The following PRSS36 variants were observed in gnomAD, a reference collection of about 807,000 sequenced individuals.
The protein encoded by PRSS36 is serine protease 36, also known as polyserase-2.
A neutral mutation model predicts 94.3 loss-of-function variants in PRSS36; 90 were observed. The observed-to-expected ratio is 0.95, with a 90% CI of 0.80 to 1.14. PRSS36 has a LOEUF of 1.14. Ranked by LOEUF, PRSS36 falls within the 50% of genes most tolerant of loss-of-function variation. PRSS36 has a pLI of 0.00. For synonymous variants in PRSS36, 500 were observed against 489.6 expected (o/e 1.02, Z -0.28); for missense variants, 1,158 against 1,135.0 (o/e 1.02, Z -0.29).
intron 11 of PRSS36, 43 bp downstream of exon 11, chr16:31,141,680 T>G: frequency 6.2e-7 from 1 of 1,608,204 alleles, no homozygotes; most frequent in Non-Finnish European, 8.5e-7. Flanking sequence ...CATGGGTCTG[T>G]GCACTCCCAG....
chr16:31,147,402 C>T (rs1313892516), intron 5 of PRSS36, among the ~76,000 whole-genome samples: 3 of 152,154 alleles, frequency 2.0e-5, no homozygotes, highest in Non-Finnish European at 4.4e-5. Flanking sequence ...ACCTCCTGCC[C>T]TGATGGGACC....
chr16:31,142,496 C>A lies in PRSS36; in HGVS notation c.1506G>T (p.Glu502Asp). The change falls in exon 10 of 15, where the codon GAG becomes GAT. Residue 502 changes from glutamate to aspartate, a missense_variant. By Grantham distance (45) the Glu-to-Asp change is conservative (BLOSUM62 2). Transcript: ENST00000268281. ...ALCPAYQEKE[E>D]VGSCWNDSRW... ...CGCCGCTTACCCAGCAGCTGCCCAC[C>A]TCCTCCTTTTCCTGGTAGGCAGGGC... The A allele has an allele frequency of 6.7e-7, 1 of 1,488,108 alleles. No homozygotes were observed. The highest frequency in any genetic ancestry group is 2.6e-5 in the East Asian group (1 of 38,698). 92.2% of individuals were successfully genotyped at this position (1,488,108 alleles called of 1,614,324 possible). A position where few individuals can be genotyped will look rare whatever the true frequency, so the allele number is the denominator to read the frequency against.
At position 31,139,097 on chromosome 16, in the gene PRSS36, G is replaced by A; in HGVS notation, c.*41C>T. 1 of 1,511,152 alleles carries A rather than the reference G, an allele frequency of 6.6e-7. No individual in the cohort carries two copies. The highest frequency in any genetic ancestry group is 8.9e-7 in the Non-Finnish European group (1 of 1,128,286). The allele number at this position is 1,511,152 out of a possible 1,614,324, so 93.6% of individuals were successfully genotyped here. On this transcript the variant is annotated 3_prime_UTR_variant, in exon 15 of 15. Coordinates refer to ENST00000268281, the MANE Select transcript of PRSS36 (RefSeq NM_173502.5). ...TTCCAGCCCCACTGGGCGGGAAGTA[G>A]AGGGTGGAGAAGGGGGAAGTGGTGC... is the stretch of plus-strand genomic sequence containing the variant.
chr16:31,148,326 G>T, intron 5 of PRSS36, 69 bp downstream of exon 5: 1 of 1,434,704 alleles, frequency 7.0e-7, no homozygotes, highest in Non-Finnish European at 9.1e-7. Context: ...CTGAGGCCCC[G>T]CCCTAGGAAC....
At position 31,141,786 on chromosome 16, in the gene PRSS36, C is replaced by T. The variant is rs1191602566; in HGVS notation, c.1696G>A (p.Asp566Asn). 3.7e-6 allele frequency: 6 copies of T among 1,614,112 alleles called. No homozygotes were observed. Among genetic ancestry groups the T allele is most frequent in the African/African-American group, 1.3e-5 (1 of 75,040 alleles). ...GTCTCCTCCCCATCAGGGCCCCAAT[C>T]CCAGGCTAGCTGGTCCTCCAGGTAG... ...GAYLEDQLAW[D>N]WGPDGEETET... Residue 566 changes from aspartate to asparagine, a missense_variant, in exon 11 of 15, where the codon GAT becomes AAT. By Grantham distance (23) the Asp-to-Asn change is conservative. Coordinates refer to ENST00000268281, the MANE Select transcript of PRSS36 (RefSeq NM_173502.5).
At chr16:31,139,482 C>A (rs1419748545) in intron 14 of PRSS36, 66 bp from the exon 15 acceptor site, 41 of 1,556,984 alleles carry the variant, frequency 2.6e-5, no homozygotes, top group Non-Finnish European at 3.6e-5. Context: ...CCCCTTTCCC[C>A]AGGGTCTGGC....
intron 5 of PRSS36, among the ~76,000 whole-genome samples, chr16:31,146,611 C>A (rs544790413): frequency 6.6e-6 from 1 of 151,988 alleles, no homozygotes; most frequent in Admixed American, 6.6e-5. Context: ...CTGCTTTTGA[C>A]GGAAACAGCT....
Position 31,149,183 on chromosome 16 carries a change from C to G in PRSS36, c.162G>C (p.Gln54His). The G allele has an allele frequency of 6.4e-7, 1 of 1,571,288 alleles. No individual in the cohort carries two copies. Among genetic ancestry groups the G allele is most frequent in the African/African-American group, 1.3e-5 (1 of 74,416 alleles). Reference protein sequence around the residue: ...SARIVGGSNAQPGTWPWQVSL... With the variant: ...SARIVGGSNAHPGTWPWQVSL... ...TCACTTGCCAAGGCCAGGTGCCCGG[C>G]TGCGCGTTTGAGCCCCCCACGATGC... is the stretch of plus-strand genomic sequence containing the variant. Residue 54 changes from glutamine to histidine, a missense_variant, in exon 4 of 15, where the codon CAG (glutamine) becomes CAC (histidine). Coordinates refer to ENST00000268281, the MANE Select transcript of PRSS36 (RefSeq NM_173502.5).
chr16:31,140,390 G>T lies in PRSS36; in HGVS notation c.2193C>A (p.Ile731=). ...DRVPVAAAVS[I]LTQRICDCLY... ...GGCAGTCACAGATTCGTTGTGTCAA[G>T]ATGGAGACAGCAGCAGCCACAGGGA... The change falls in exon 14 of 15, where the codon ATC becomes ATA. Residue 731 remains isoleucine, a synonymous_variant. Transcript: ENST00000268281. 6.2e-7 allele frequency: 1 copy of T among 1,614,066 alleles called. No individual in the cohort carries two copies. Among genetic ancestry groups the T allele is most frequent in the Non-Finnish European group, 8.5e-7 (1 of 1,179,992 alleles).
intron 4 of PRSS36, 26 bp from the exon 5 acceptor site, chr16:31,148,701 G>T (rs1182988241): frequency 7.5e-6 from 12 of 1,610,626 alleles, no homozygotes; most frequent in African/African-American, 1.3e-5. Context: ...GCAGTAGGAG[G>T]TTAGGTTGAC....
At position 31,148,693 on chromosome 16, in the gene PRSS36, A is replaced by AG; in HGVS notation, c.273-19dup. 2 of 1,611,360 alleles carry AG rather than the reference A, an allele frequency of 1.2e-6. No individual in the cohort carries two copies. Among genetic ancestry groups the AG allele is most frequent in the Admixed American group, 1.7e-5 (1 of 59,800 alleles). On this transcript the variant is annotated intron_variant, in intron 4 of 14. Coordinates refer to ENST00000268281, the MANE Select transcript of PRSS36 (RefSeq NM_173502.5). ...TCCCATTCCTGCGCTCGACCGGGGC[A>AG]GTAGGAGGTTAGGTTGACCCTATGG...
intron 5 of PRSS36, among the ~76,000 whole-genome samples, chr16:31,148,012 C>A (rs2057823073): frequency 6.6e-6 from 1 of 152,124 alleles, no homozygotes; most frequent in African/African-American, 2.4e-5. Context: ...TCCACTCAAC[C>A]ACCCCTTGAA....
intron 14 of PRSS36, among the ~76,000 whole-genome samples, chr16:31,140,052 G>A (rs142948217): frequency 0.017 from 2,554 of 151,196 alleles, 54 homozygotes; most frequent in African/African-American, 0.051. Context: ...TTAGCCGGGC[G>A]TAGTAGCGGG....
intron 5 of PRSS36, among the ~76,000 whole-genome samples, chr16:31,146,612 G>A (rs1254843893): frequency 1.3e-5 from 2 of 152,024 alleles, no homozygotes; most frequent in Non-Finnish European, 2.9e-5. Flanking sequence ...TGCTTTTGAC[G>A]GAAACAGCTT....
chr16:31,139,647 A>G (rs1192191240), intron 14 of PRSS36, among the ~76,000 whole-genome samples: 1 of 151,986 alleles, frequency 6.6e-6, no homozygotes, highest in Non-Finnish European at 1.5e-5. Context: ...TGGGAAGCCA[A>G]GGTGGGCGGA....
chr16:31,145,318 A>G (rs557345154), intron 6 of PRSS36, among the ~76,000 whole-genome samples: 5 of 139,184 alleles, frequency 3.6e-5, no homozygotes, highest in Admixed American at 3.0e-4. Flanking sequence ...GGTTGCAGTG[A>G]GCTGAGATCA....
In PRSS36 at chr16:31,142,825, G is replaced by A. The variant is rs1549299; in HGVS notation, c.1269C>T (p.Ser423=). The A allele has an allele frequency of 0.66, 1,016,515 of 1,534,406 alleles. 351,749 individuals carry two copies. The highest frequency in any genetic ancestry group is 0.92 in the East Asian group (34,839 of 37,918). ...LLQLRTPVNL[S]AASRPVCLPH... ...GTAGGCACACGGGCCGCGAAGCCGC[G>A]CTCAGGTTCACGGGCGTGCGCAGCT... The change falls in exon 9 of 15, where the codon AGC becomes AGT. Residue 423 remains serine, a synonymous_variant. Coordinates refer to ENST00000268281, the MANE Select transcript of PRSS36 (RefSeq NM_173502.5).
chr16:31,149,968 C>T (rs1237208659), intron 1 of PRSS36, 31 bp downstream of exon 1: 3 of 1,612,168 alleles, frequency 1.9e-6, no homozygotes, highest in Admixed American at 3.3e-5. Context: ...GACCCAGGCC[C>T]TTTGCAGCCA....
Position 31,142,756 on chromosome 16 carries a change from C to G in PRSS36, c.1338G>C (p.Leu446=). The change falls in exon 9 of 15, where the codon CTG becomes CTC. Residue 446 remains leucine (L), a synonymous_variant. Coordinates refer to ENST00000268281, the MANE Select transcript of PRSS36 (RefSeq NM_173502.5). The part of the protein sequence containing the change: ...HYFLPGSRCR[L]ARWGRGEPAL... ...GCTCACCCCCGCGGCCCCAGCGGGC[C>G]AGGCGGCAGCGGCTCCCGGGCAGGA... 7.1e-7 allele frequency: 1 copy of G among 1,399,806 alleles called. No individual in the cohort carries two copies. The highest frequency in any genetic ancestry group is 9.3e-7 in the Non-Finnish European group (1 of 1,072,436). The allele number at this position is 1,399,806 out of a possible 1,614,324, so 86.7% of individuals were successfully genotyped here. A position where few individuals can be genotyped will look rare whatever the true frequency, so the allele number is the denominator to read the frequency against.
Sources: gnomAD v4.1 joint callset for allele counts (sites outside exome capture counted in the v4.1 genomes callset) on GRCh38, gnomAD v4.1.1 for gene constraint, MANE v1.5 for transcripts, NCBI Gene and HGNC (gene_info 2026-07-23, HGNC 2026-07-21) for gene names.